RECQL4: variants seen among roughly 807,000 people sequenced by gnomAD.
RECQL4 encodes RecQ like helicase 4, also known as ATP-dependent DNA helicase Q4.
RECQL4 carries 158 observed loss-of-function variants against 128.6 expected under a neutral mutation model. The observed-to-expected ratio is 1.23, with a 90% CI of 1.08 to 1.40. The LOEUF (loss-of-function observed/expected upper bound fraction) is 1.40. RECQL4 is among the 40% of genes most tolerant of loss of function. The pLI is 0.00. For synonymous variants in RECQL4, 996 were observed against 678.9 expected, an observed-to-expected ratio of 1.47 and a Z score of -7.26; for missense variants, 2,293 against 1,649.8, an observed-to-expected ratio of 1.39 and a Z score of -6.75.
intron 9 of RECQL4, 135 bp downstream of exon 9, chr8:144,514,801 G>A: frequency 2.6e-6 from 3 of 1,145,716 alleles, no homozygotes; most frequent in Middle Eastern, 2.9e-4. Flanking sequence ...CTGCTGCCAA[G>A]ACTGGGACTG....
At position 144,516,370 on chromosome 8, in the gene RECQL4, C is replaced by T; in HGVS notation, c.749G>A (p.Gly250Glu). The change falls in exon 5 of 21, where the codon GGG becomes GAG. Residue 250 changes from glycine to glutamate, a missense_variant. Physicochemically the swap from Gly to Glu is moderately conservative, Grantham distance 98. Transcript: ENST00000617875. ...TCCACTGCTGCTGGGCTGGGGGCTC[C>T]CCACACGGATGCTGACTTCTTGGAA... ...SAFQEVSIRV[G>E]SPQPSSSGGE... 6.2e-7 allele frequency: 1 copy of T among 1,610,176 alleles called. No individual in the cohort carries two copies. The highest frequency in any genetic ancestry group is 8.5e-7 in the Non-Finnish European group (1 of 1,179,742).
In RECQL4 at chr8:144,516,528, C is replaced by T. The variant is rs1325936490; in HGVS notation, c.591G>A (p.Glu197=). 6 of 1,609,794 alleles carry T rather than the reference C, an allele frequency of 3.7e-6. No individual in the cohort carries two copies. The South Asian group carries it at 5.5e-5, about 15-fold the overall frequency. ...DPGWLQRCHS[E]VPDFLGAPKA... is the part of the protein sequence containing the mutation. Reference sequence around the variant, plus strand: ...TGGGGGCCCCCAGAAAATCTGGGACCTCACTGTGACATCGCTGTAACCAGC... The same window carrying T: ...TGGGGGCCCCCAGAAAATCTGGGACTTCACTGTGACATCGCTGTAACCAGC... Residue 197 remains glutamate, a synonymous_variant, in exon 5 of 21, where the codon GAG becomes GAA. Coordinates refer to ENST00000617875, the MANE Select transcript of RECQL4 (RefSeq NM_004260.4).
At chr8:144,516,879 C>T in intron 4 of RECQL4, 115 bp from the exon 5 acceptor site, 2 of 1,384,844 alleles carry the variant, frequency 1.4e-6, no homozygotes, top group Non-Finnish European at 1.9e-6. Flanking sequence ...TAGCACAAGG[C>T]TGGACTAGAA....
Position 144,512,540 on chromosome 8 carries a change from G to T in RECQL4, c.2907C>A (p.Cys969Ter). 4 of 1,612,592 alleles carry T rather than the reference G, an allele frequency of 2.5e-6. No individual in the cohort carries two copies. Among genetic ancestry groups the T allele is most frequent in the Non-Finnish European group, 3.4e-6 (4 of 1,179,830 alleles). Residue 969 changes from cysteine (C) to a stop codon, truncating the protein, a stop_gained, in exon 17 of 21, where the codon TGC becomes TGA. Transcript: ENST00000617875. LOFTEE classifies it high-confidence loss of function. ...GGTCCTCAGGCAGCTGCTGGGCCAAGCACACAGCCAAAGGGGGACACCTGT... is the reference window on the plus strand; with the variant it reads ...GGTCCTCAGGCAGCTGCTGGGCCAATCACACAGCCAAAGGGGGACACCTGT... Reference protein sequence around the residue: ...LAHRCPPLAVCLAQQLPEDPG... With the variant: ...LAHRCPPLAV
At position 144,517,193 on chromosome 8, in the gene RECQL4, G is replaced by C; in HGVS notation, c.214-3C>G. On this transcript the variant is annotated splice_region_variant and splice_polypyrimidine_tract_variant and intron_variant, in intron 3 of 20. Transcript: ENST00000617875. ...CCCCAGCAGCGGGGCTCTGGCGCCT[G>C]CAGGAGACAACAGGGGCACAGGCCA... 1 of 1,597,398 alleles carries C rather than the reference G, an allele frequency of 6.3e-7. No individual in the cohort carries two copies.
At position 144,512,844 on chromosome 8, in the gene RECQL4, C is replaced by T. The variant is rs932763075; in HGVS notation, c.2755+3G>A. The T allele has an allele frequency of 6.2e-7, 1 of 1,605,606 alleles. No homozygotes were observed. Among genetic ancestry groups the T allele is most frequent in the African/African-American group, 1.3e-5 (1 of 74,854 alleles). The stretch of plus-strand genomic sequence containing the variant: ...CCCCTGTGGCTTACCCCAGGTTCCT[C>T]ACCCTCCTCCGGCATGTCCAAAGCC... On this transcript the variant is annotated splice_donor_region_variant and intron_variant, in intron 15 of 20. Transcript: ENST00000617875.
chr8:144,514,577 C>T, intron 9 of RECQL4, 52 bp from the exon 10 acceptor site: 1 of 1,552,612 alleles, frequency 6.4e-7, no homozygotes, highest in South Asian at 1.2e-5. Context: ...CCTGGCCCTT[C>T]CCCAAGTCAT....
At chr8:144,515,711 T>G in intron 6 of RECQL4, 53 bp downstream of exon 6, 1 of 1,596,610 alleles carries the variant, frequency 6.3e-7, no homozygotes, top group Non-Finnish European at 8.5e-7. Flanking sequence ...AAAAGAGCAC[T>G]GCGCCCTCTC....
rs1564796711 is a variant in RECQL4, at chr8:144,513,728, TGGCGTG to T, written c.2059-22_2059-17del. 1.5e-6 allele frequency: 2 copies of T among 1,307,508 alleles called. No homozygotes were observed. The highest frequency in any genetic ancestry group is 2.0e-5 in the African/African-American group (1 of 50,276). The allele number at this position is 1,307,508 out of a possible 1,614,324, so 81.0% of individuals were successfully genotyped here. On this transcript the variant is annotated splice_polypyrimidine_tract_variant and intron_variant, in intron 12 of 20. Coordinates refer to ENST00000617875, the MANE Select transcript of RECQL4 (RefSeq NM_004260.4). ...TCAACAGTGCCTGATGAGGAGCGGTTGGCGTGGGCAGTGGGGAGTGAGGAGGGGTCG... is the reference window on the plus strand; with the variant it reads ...TCAACAGTGCCTGATGAGGAGCGGTTGGCAGTGGGGAGTGAGGAGGGGTCG...
At position 144,511,828 on chromosome 8, in the gene RECQL4, G is replaced by A. The variant is rs188078422; in HGVS notation, c.3394-39C>T. On this transcript the variant is annotated intron_variant, in intron 19 of 20. Coordinates refer to ENST00000617875, the MANE Select transcript of RECQL4 (RefSeq NM_004260.4). ...CACATCAGGCTTCCTCTGAGCTCCC[G>A]TGGCACTGCATCCACAGAGCAAGCC... 4.0e-3 allele frequency: 6,426 copies of A among 1,610,406 alleles called. 24 individuals carry two copies. Among genetic ancestry groups the A allele is most frequent in the Non-Finnish European group, 4.5e-3 (5,350 of 1,178,318 alleles).
chr8:144,517,261 C>A, intron 3 of RECQL4, 71 bp from the exon 4 acceptor site: 1 of 1,525,174 alleles, frequency 6.6e-7, no homozygotes, highest in Non-Finnish European at 8.8e-7. Context: ...AGCCACCCCT[C>A]CCGCACCTGG....
intron 12 of RECQL4, 51 bp from the exon 13 acceptor site, chr8:144,513,763 T>TGG: frequency 6.9e-7 from 1 of 1,448,560 alleles, no homozygotes; most frequent in Non-Finnish European, 9.1e-7. Flanking sequence ...GGGGTCGGCG[T>TGG]GTGCAGTGGG....
chr8:144,516,442 G>C lies in RECQL4; in HGVS notation c.677C>G (p.Ala226Gly), dbSNP rs763975196. The C allele has an allele frequency of 2.5e-6, 4 of 1,608,848 alleles. No homozygotes were observed. The South Asian group carries it at 4.4e-5, about 18-fold the overall frequency. The change falls in exon 5 of 21, where the codon GCT (alanine) becomes GGT (glycine). Residue 226 changes from alanine to glycine, a missense_variant. Coordinates refer to ENST00000617875, the MANE Select transcript of RECQL4 (RefSeq NM_004260.4). ...GGAGCCAGCACCAGGACCAAGGACA[G>C]CCGACTCACCAGGGATCAGAAGTTG... ...ESQLLIPGES[A>G]VLGPGAGSQG... is the part of the protein sequence containing the mutation.
chr8:144,515,833 C>T lies in RECQL4; in HGVS notation c.1189G>A (p.Val397Ile), dbSNP rs867681178. The T allele has an allele frequency of 1.2e-6, 2 of 1,612,930 alleles. No individual in the cohort carries two copies. Among genetic ancestry groups the T allele is most frequent in the Middle Eastern group, 1.6e-4 (1 of 6,062 alleles). ...AGGAAACAAGACTCCTTGGTTGTGA[C>T]TGTGGCACCACCACCCCCAAAACAC... ...GECFGGGGAT[V>I]TTKESCFLNE... The change falls in exon 6 of 21, where the codon GTC (valine) becomes ATC (isoleucine). Residue 397 changes from valine to isoleucine, a missense_variant. Physicochemically the swap from Val to Ile is conservative, Grantham distance 29. Coordinates refer to ENST00000617875, the MANE Select transcript of RECQL4 (RefSeq NM_004260.4).
In RECQL4 at chr8:144,511,379, C is replaced by A; in HGVS notation, c.*52G>T. 2 of 1,600,618 alleles carry A rather than the reference C, an allele frequency of 1.2e-6. No individual in the cohort carries two copies. The highest frequency in any genetic ancestry group is 1.7e-6 in the Non-Finnish European group (2 of 1,170,018). On this transcript the variant is annotated 3_prime_UTR_variant, in exon 21 of 21. Coordinates refer to ENST00000617875, the MANE Select transcript of RECQL4 (RefSeq NM_004260.4). ...GTTTTGCCCAGGTCCTCAGTCACTG[C>A]CCTAGCCTCTGACAACCCCAGCTCT...
chr8:144,513,352 C>T lies in RECQL4; in HGVS notation c.2329G>A (p.Gly777Arg), dbSNP rs377173936. The change falls in exon 14 of 21, where the codon GGG becomes AGG. Residue 777 changes from glycine to arginine, a missense_variant. Physicochemically the swap from Gly to Arg is moderately radical, Grantham distance 125 (BLOSUM62 -2). Coordinates refer to ENST00000617875, the MANE Select transcript of RECQL4 (RefSeq NM_004260.4). ...GCCCGCACATCTGGCCGGTCCAGCC[C>T]CATCCCAAAGGCCACCGTGGCCACC... Reference protein sequence around the residue: ...VVVATVAFGMGLDRPDVRAVL... With the variant: ...VVVATVAFGMRLDRPDVRAVL... The T allele has an allele frequency of 1.2e-6, 2 of 1,605,684 alleles. No homozygotes were observed. The highest frequency in any genetic ancestry group is 1.7e-5 in the Admixed American group (1 of 59,958).
Position 144,515,177 on chromosome 8 carries a change from C to T in RECQL4, c.1456G>A (p.Glu486Lys), listed in dbSNP as rs768311526. 1.9e-6 allele frequency: 3 copies of T among 1,566,188 alleles called. No individual in the cohort carries two copies. Among genetic ancestry groups the T allele is most frequent in the East Asian group, 2.4e-5 (1 of 41,852 alleles). ...LGHQAFRPGQ[E>K]RAVMRILSGI... Reference sequence around the variant, plus strand: ...GACAGGATCCGCATGACTGCACGCTCCTGCCCAGGGCGAAAGGCTTGGTGC... The same window carrying T: ...GACAGGATCCGCATGACTGCACGCTTCTGCCCAGGGCGAAAGGCTTGGTGC... Residue 486 changes from glutamate to lysine, a missense_variant, in exon 8 of 21, where the codon GAG becomes AAG. Coordinates refer to ENST00000617875, the MANE Select transcript of RECQL4 (RefSeq NM_004260.4).
At chr8:144,514,846 G>A (rs1393442531) in intron 9 of RECQL4, 90 bp downstream of exon 9, 4 of 1,476,246 alleles carry the variant, frequency 2.7e-6, no homozygotes, top group Non-Finnish European at 2.8e-6. Context: ...CAGGGGAGGG[G>A]GTGGTTAGGG....
In RECQL4 at chr8:144,511,992, G is replaced by A. The variant is rs903928753; in HGVS notation, c.3312C>T (p.Leu1104=). ...EERSTRLKDL[L]GRYFEEEEGQ... is the part of the protein sequence containing the mutation. ...CTTCCTCTTCCTCAAAGTAGCGGCC[G>A]AGCAGGTCCTTGAGCCTGGTGCTGC... is the stretch of plus-strand genomic sequence containing the variant. The change falls in exon 19 of 21, where the codon CTC becomes CTT. Residue 1104 remains leucine, a synonymous_variant. Coordinates refer to ENST00000617875, the MANE Select transcript of RECQL4 (RefSeq NM_004260.4). The A allele has an allele frequency of 5.0e-6, 8 of 1,610,274 alleles. No homozygotes were observed. The Admixed American group carries it at 8.4e-5, about 17-fold the overall frequency.
Sources: gnomAD v4.1 joint callset for allele counts on GRCh38, gnomAD v4.1.1 for gene constraint, MANE v1.5 for transcripts, NCBI Gene and HGNC (gene_info 2026-07-23, HGNC 2026-07-21) for gene names.